Variants in GRIN2A observed in about 807,000 individuals in gnomAD.
GRIN2A encodes glutamate ionotropic receptor NMDA type subunit 2A.
GRIN2A carries 22 observed loss-of-function variants against 113.4 expected under a neutral mutation model. The ratio of observed to expected loss-of-function variants is 0.19; its 90% CI spans 0.14 to 0.28. The LOEUF is 0.28. Among genes scored for constraint, GRIN2A ranks in the 10% least tolerant of loss-of-function variants. GRIN2A has a pLI of 1.00. For synonymous variants in GRIN2A, 827 were observed against 738.4 expected (o/e 1.12, Z -1.94); for missense variants, 1,502 against 1,887.0 (o/e 0.80, Z 3.78).
chr16:9,841,661 G>A (rs1165693115), intron 5 of GRIN2A, among the ~76,000 whole-genome samples: 1 of 152,096 alleles, frequency 6.6e-6, no homozygotes, highest in African/African-American at 2.4e-5. Context: ...AGGAGACCTG[G>A]GTTCTATTCC....
chr16:10,069,018 G>T (rs1375936630), intron 2 of GRIN2A, among the ~76,000 whole-genome samples: 1 of 152,170 alleles, frequency 6.6e-6, no homozygotes, highest in African/African-American at 2.4e-5. Context: ...GGATAAGACA[G>T]GTGGGTAAGG....
chr16:10,078,073 A>T (rs1474372347), intron 2 of GRIN2A, among the ~76,000 whole-genome samples: 1 of 152,228 alleles, frequency 6.6e-6, no homozygotes, highest in African/African-American at 2.4e-5. Flanking sequence ...TTCCACAGGT[A>T]TATGCCTACA....
rs73502670 is a variant in GRIN2A at position 9,921,444 on chromosome 16, G to C, written c.1007+16515C>G. On this transcript the variant is annotated intron_variant, in intron 3 of 12. Coordinates refer to ENST00000330684, the MANE Select transcript of GRIN2A (RefSeq NM_001134407.3). ...AAGATCGGGTGCTAAAGCCAGAGAG[G>C]TCATCTTGATACTGATCCTACCACT... 9.2e-3 allele frequency among the ~76,000 whole-genome samples: 1,405 copies of C among 152,236 alleles called. 19 individuals carry two copies. The highest frequency in any genetic ancestry group is 0.032 in the African/African-American group (1,340 of 41,538).
At chr16:10,179,845 C>A in intron 2 of GRIN2A, 153 bp downstream of exon 2, 1 of 711,738 alleles carries the variant, frequency 1.4e-6, no homozygotes. Flanking sequence ...AGAGGCAAGA[C>A]CTGGTTCTCA....
chr16:9,854,612 G>T (rs140631014), intron 4 of GRIN2A, among the ~76,000 whole-genome samples: 6 of 152,210 alleles, frequency 3.9e-5, no homozygotes, highest in African/African-American at 1.4e-4. Context: ...TCCCACCTTG[G>T]ACGTGATGGT....
At position 9,914,262 on chromosome 16, in the gene GRIN2A, T is replaced by C. The variant is rs188810546; in HGVS notation, c.1008-23162A>G. On this transcript the variant is annotated intron_variant, in intron 3 of 12. Coordinates refer to ENST00000330684, the MANE Select transcript of GRIN2A (RefSeq NM_001134407.3). The stretch of plus-strand genomic sequence containing the variant: ...AACACCTAGGAAGACAATAAAACTT[T>C]ACAGAACTGCCAGTTTTCAACATGC... Among the ~76,000 whole-genome samples, 4 of 152,304 alleles carry C rather than the reference T, an allele frequency of 2.6e-5. No homozygotes were observed. In the East Asian group the frequency reaches 5.8e-4, roughly 22 times the overall value.
chr16:9,960,581 A>G (rs16966736), intron 2 of GRIN2A, among the ~76,000 whole-genome samples: 3 of 152,134 alleles, frequency 2.0e-5, no homozygotes, highest in African/African-American at 7.2e-5. Context: ...TAATTGTATC[A>G]CTTGTTCCTA....
chr16:10,166,376 G>A (rs905529530), intron 2 of GRIN2A, among the ~76,000 whole-genome samples: 6 of 152,190 alleles, frequency 3.9e-5, no homozygotes, highest in African/African-American at 1.4e-4. Context: ...GTTAAGAGGA[G>A]AGGAAGGCTT....
intron 4 of GRIN2A, among the ~76,000 whole-genome samples, chr16:9,877,659 CT>C (rs1379167969): frequency 2.4e-5 from 3 of 125,994 alleles, no homozygotes; most frequent in Non-Finnish European, 5.0e-5. Flanking sequence ...CCTCTCCCCC[CT>C]CTCTCTCCCC....
chr16:9,842,222 G>T (rs545264009), intron 5 of GRIN2A, among the ~76,000 whole-genome samples: 1 of 151,316 alleles, frequency 6.6e-6, no homozygotes, highest in East Asian at 1.9e-4. Flanking sequence ...TTGTACTCAA[G>T]CCTGGGTGAC....
intron 2 of GRIN2A, among the ~76,000 whole-genome samples, chr16:10,169,473 A>C (rs1596574724): frequency 6.6e-6 from 1 of 152,320 alleles, no homozygotes; most frequent in East Asian, 1.9e-4. Context: ...CTGACATGTA[A>C]GAGGAAGTCT....
At position 10,165,327 on chromosome 16, in the gene GRIN2A, G is replaced by A. The variant is rs1253479239; in HGVS notation, c.414+14671C>T. 2.0e-5 allele frequency among the ~76,000 whole-genome samples: 3 copies of A among 151,760 alleles called. No individual in the cohort carries two copies. In the East Asian group the frequency reaches 5.8e-4, roughly 29 times the overall value. Reference sequence around the variant, plus strand: ...AAGGTATAGGAAAACAGACTAGAGGGAAATAAACCAAAATGTTAATAGCAG... The same window carrying A: ...AAGGTATAGGAAAACAGACTAGAGGAAAATAAACCAAAATGTTAATAGCAG... On this transcript the variant is annotated intron_variant, in intron 2 of 12. Coordinates refer to ENST00000330684, the MANE Select transcript of GRIN2A (RefSeq NM_001134407.3).
intron 2 of GRIN2A, among the ~76,000 whole-genome samples, chr16:10,084,208 T>C (rs1422451557): frequency 2.0e-5 from 3 of 152,202 alleles, no homozygotes; most frequent in Non-Finnish European, 4.4e-5. Flanking sequence ...ACTCAATGAC[T>C]ATTTATATTC....
chr16:9,996,356 C>T (rs1052825007), intron 2 of GRIN2A, among the ~76,000 whole-genome samples: 55 of 152,332 alleles, frequency 3.6e-4, no homozygotes, highest in African/African-American at 1.2e-3. Context: ...CTCCCTCCCA[C>T]GATGCAGGCT....
Position 9,938,860 on chromosome 16 carries a change from C to T in GRIN2A, c.415-309G>A, listed in dbSNP as rs11648171. Reference sequence around the variant, plus strand: ...CTCCTTTGAGTCTATATGGTTCTAACAGAACAAACTCTATCTGACCCCCAC... The same window carrying T: ...CTCCTTTGAGTCTATATGGTTCTAATAGAACAAACTCTATCTGACCCCCAC... On this transcript the variant is annotated intron_variant, in intron 2 of 12. Coordinates refer to ENST00000330684, the MANE Select transcript of GRIN2A (RefSeq NM_001134407.3). 0.22 allele frequency among the ~76,000 whole-genome samples: 32,956 copies of T among 152,098 alleles called. 3,894 individuals are homozygous for T. The highest frequency in any genetic ancestry group is 0.26 in the Middle Eastern group (76 of 294).
intron 10 of GRIN2A, among the ~76,000 whole-genome samples, chr16:9,814,079 A>C (rs2042141520): frequency 6.6e-6 from 1 of 152,254 alleles, no homozygotes; most frequent in African/African-American, 2.4e-5. Flanking sequence ...TGGGAATGCC[A>C]ATATCCCTGA....
intron 2 of GRIN2A, among the ~76,000 whole-genome samples, chr16:10,130,168 G>A (rs1288803172): frequency 6.6e-6 from 1 of 152,178 alleles, no homozygotes; most frequent in East Asian, 1.9e-4. Context: ...AGGTTACATG[G>A]CTGGGAAATG....
chr16:10,111,352 GTT>G, intron 2 of GRIN2A: 1 of 422,462 alleles, frequency 2.4e-6, no homozygotes. Context: ...CCGCGCGGGT[GTT>G]TGTCGCTTCG....
At chr16:10,055,045 C>G (rs2094355136) in intron 2 of GRIN2A, among the ~76,000 whole-genome samples, 1 of 20,474 alleles carries the variant, frequency 4.9e-5, no homozygotes, top group Non-Finnish European at 9.3e-5. Flanking sequence ...GAGACTCTAT[C>G]TCAAAAAAAA....
Sources: allele counts gnomAD v4.1 joint callset (sites outside exome capture counted in the v4.1 genomes callset), GRCh38; gene constraint gnomAD v4.1.1; transcripts MANE v1.5; gene names NCBI Gene and HGNC (gene_info 2026-07-23, HGNC 2026-07-21).